The following MSR1 variants were observed in gnomAD, a reference collection of about 807,000 sequenced individuals.
The protein encoded by MSR1 is macrophage scavenger receptor 1.
MSR1 carries 53 observed loss-of-function variants against 47.2 expected under a neutral mutation model. The ratio of observed to expected loss-of-function variants is 1.12; its 90% CI spans 0.90 to 1.41. The LOEUF (loss-of-function observed/expected upper bound fraction) is 1.41. Among genes scored for constraint, MSR1 ranks in the 40% most tolerant of loss-of-function variants. MSR1 has a pLI of 0.00. For missense variants in MSR1, 786 were observed against 546.9 expected (o/e 1.44, Z -4.36); for synonymous variants, 239 against 185.6 (o/e 1.29, Z -2.34).
chr8:16,126,331 G>A (rs762266869), intron 8 of MSR1, among the ~76,000 whole-genome samples: 1 of 152,028 alleles, frequency 6.6e-6, no homozygotes, highest in African/African-American at 2.4e-5. Flanking sequence ...CTTTTGAGGA[G>A]CATAACAGTT....
In MSR1 at chr8:16,163,157, G is replaced by C. The variant is rs568199349; in HGVS notation, c.817+908C>G. On this transcript the variant is annotated intron_variant, in intron 5 of 9. Transcript: ENST00000262101. ...AAACCTGTTTGGTAATTTTGGTAGAGAGAAAAATTCAGCAAGAGAAAAATC... is the reference window on the plus strand; with the variant it reads ...AAACCTGTTTGGTAATTTTGGTAGACAGAAAAATTCAGCAAGAGAAAAATC... Among the ~76,000 whole-genome samples the C allele has an allele frequency of 1.3e-4, 20 of 151,970 alleles. No individual in the cohort carries two copies. In the South Asian group the frequency reaches 2.1e-3, roughly 16 times the overall value.
At chr8:16,134,151 A>C (rs35832042) in intron 8 of MSR1, among the ~76,000 whole-genome samples, 5,294 of 152,260 alleles carry the variant, frequency 0.035, 170 homozygotes, top group African/African-American at 0.077. Context: ...TGATTTCACC[A>C]TTCTTCCAAA....
intron 3 of MSR1, among the ~76,000 whole-genome samples, chr8:16,174,312 A>G (rs1801576587): frequency 6.6e-6 from 1 of 152,200 alleles, no homozygotes; most frequent in South Asian, 2.1e-4. Flanking sequence ...TTCCCAGCCT[A>G]TCTCTTATTA....
chr8:16,182,765 T>A (rs770664366), intron 1 of MSR1, among the ~76,000 whole-genome samples: 6 of 152,168 alleles, frequency 3.9e-5, no homozygotes, highest in Non-Finnish European at 7.4e-5. Flanking sequence ...TCTTCCAGAA[T>A]ACCTCCTAAA....
At chr8:16,134,829 C>T (rs914176123) in intron 8 of MSR1, among the ~76,000 whole-genome samples, 3 of 152,134 alleles carry the variant, frequency 2.0e-5, no homozygotes, top group Non-Finnish European at 4.4e-5. Flanking sequence ...AACAAACCAC[C>T]TTATTGCCGA....
At chr8:16,117,072 T>A (rs1341963270) in intron 9 of MSR1, among the ~76,000 whole-genome samples, 2 of 152,112 alleles carry the variant, frequency 1.3e-5, no homozygotes, top group Non-Finnish European at 2.9e-5. Context: ...CCACAGACCA[T>A]GGACCAATAG....
chr8:16,170,100 A>G (rs1388507226), intron 3 of MSR1, among the ~76,000 whole-genome samples: 1 of 152,170 alleles, frequency 6.6e-6, no homozygotes, highest in South Asian at 2.1e-4. Flanking sequence ...CTGTAATCCC[A>G]GCACTTTGGG....
At chr8:16,135,688 T>C (rs1049791175) in intron 8 of MSR1, among the ~76,000 whole-genome samples, 1 of 152,184 alleles carries the variant, frequency 6.6e-6, no homozygotes, top group African/African-American at 2.4e-5. Context: ...CTGATGTGTC[T>C]GAGCAAAGTA....
At chr8:16,140,807 T>G (rs1182496079) in intron 8 of MSR1, 2 of 1,517,610 alleles carry the variant, frequency 1.3e-6, no homozygotes, top group East Asian at 4.6e-5. Flanking sequence ...GGTATGAGCA[T>G]GGGAGCAGAG....
intron 5 of MSR1, among the ~76,000 whole-genome samples, chr8:16,162,279 C>A (rs1005170606): frequency 6.6e-6 from 1 of 151,758 alleles, no homozygotes; most frequent in Admixed American, 6.6e-5. Context: ...TAACTGTCAA[C>A]CTAATAAGTG....
chr8:16,158,226 A>G lies in MSR1; in HGVS notation c.818-3082T>C, dbSNP rs948147088. ...CCAATTACAGTTACAGGAATAATTCATAAATACTATCACAATAATCTGCCA... is the reference window on the plus strand; with the variant it reads ...CCAATTACAGTTACAGGAATAATTCGTAAATACTATCACAATAATCTGCCA... On this transcript the variant is annotated intron_variant, in intron 5 of 9. Transcript: ENST00000262101. Among the ~76,000 whole-genome samples, 3 of 152,042 alleles carry G rather than the reference A, an allele frequency of 2.0e-5. 1 individual carries two copies. Among genetic ancestry groups the G allele is most frequent in the Non-Finnish European group, 4.4e-5 (3 of 67,956 alleles).
In MSR1 at chr8:16,110,233, T is replaced by C. The variant is rs747216205; in HGVS notation, c.1223-15A>G. The C allele has an allele frequency of 1.9e-6, 3 of 1,612,782 alleles. No individual in the cohort carries two copies. Among genetic ancestry groups the C allele is most frequent in the Non-Finnish European group, 2.5e-6 (3 of 1,179,152 alleles). ...TGGACCAGTACCTGCAATAATGAGGTATAACTGCATTAGTAAGTTTAGAGT... is the reference window on the plus strand; with the variant it reads ...TGGACCAGTACCTGCAATAATGAGGCATAACTGCATTAGTAAGTTTAGAGT... On this transcript the variant is annotated splice_polypyrimidine_tract_variant and intron_variant, in intron 9 of 9. Transcript: ENST00000262101.
intron 8 of MSR1, among the ~76,000 whole-genome samples, chr8:16,122,843 C>CTTT (rs35560221): frequency 2.6e-4 from 17 of 65,580 alleles, no homozygotes; most frequent in African/African-American, 6.5e-4. Context: ...TATTCAAATT[C>CTTT]TTTTTTTTTT....
chr8:16,187,280 T>C (rs1802029517), intron 1 of MSR1, among the ~76,000 whole-genome samples: 1 of 145,708 alleles, frequency 6.9e-6, no homozygotes, highest in African/African-American at 2.6e-5. Flanking sequence ...GGAGAATTGC[T>C]TGAACCTGGG....
rs139975785 is a variant in MSR1 at position 16,167,922 on chromosome 8, C to T, written c.630+536G>A. Among the ~76,000 whole-genome samples, 288 of 152,194 alleles carry T rather than the reference C, an allele frequency of 1.9e-3. 1 individual carries two copies. Among genetic ancestry groups the T allele is most frequent in the Middle Eastern group, 3.4e-3 (1 of 294 alleles). On this transcript the variant is annotated intron_variant, in intron 4 of 9. Coordinates refer to ENST00000262101, the MANE Select transcript of MSR1 (RefSeq NM_138715.3). ...GTAGGAAACACTGATAGATTTTAGA[C>T]GTGACATGGAATAGAAACGGAATAT... is the stretch of plus-strand genomic sequence containing the variant.
At chr8:16,174,579 A>G (rs908715557) in intron 3 of MSR1, among the ~76,000 whole-genome samples, 2 of 152,152 alleles carry the variant, frequency 1.3e-5, no homozygotes, top group South Asian at 2.1e-4. Context: ...CACGTTGTAT[A>G]TTTTTTCTTT....
At chr8:16,134,456 T>C (rs1250480541) in intron 8 of MSR1, among the ~76,000 whole-genome samples, 2 of 152,132 alleles carry the variant, frequency 1.3e-5, no homozygotes, top group African/African-American at 4.8e-5. Context: ...CCACAAACCA[T>C]GCCCGTAAAA....
At chr8:16,112,946 T>TC (rs888706762) in intron 9 of MSR1, among the ~76,000 whole-genome samples, 2 of 140,672 alleles carry the variant, frequency 1.4e-5, no homozygotes, top group African/African-American at 2.6e-5. Flanking sequence ...TTTTTAAGTT[T>TC]TTTTTTTTTT....
chr8:16,163,142 G>C (rs1801207192), intron 5 of MSR1, among the ~76,000 whole-genome samples: 1 of 151,768 alleles, frequency 6.6e-6, no homozygotes. Flanking sequence ...AAACCTGTTT[G>C]GTAATTTTGG....
Sources: allele counts gnomAD v4.1 joint callset (sites outside exome capture counted in the v4.1 genomes callset), GRCh38; gene constraint gnomAD v4.1.1; transcripts MANE v1.5; gene names NCBI Gene and HGNC (gene_info 2026-07-23, HGNC 2026-07-21).